The following P2RY12 variants were observed in gnomAD, a reference collection of about 807,000 sequenced individuals.
P2RY12 encodes the protein P2Y purinoceptor 12.
Under a neutral mutation model 4.5 loss-of-function variants are expected in P2RY12, and 3 were observed. The ratio of observed to expected loss-of-function variants is 0.67; its 90% confidence interval spans 0.31 to 1.74. P2RY12 has a LOEUF of 1.74. Ranked by LOEUF, P2RY12 falls within the 40% of genes most tolerant of loss-of-function variation. The pLI is 0.09. For synonymous variants in P2RY12, 148 were observed against 154.1 expected (o/e 0.96, Z 0.29); for missense variants, 356 against 407.8 (o/e 0.87, Z 1.09).
chr3:151,365,294 G>A, intron 1 of P2RY12: 1 of 1,081,932 alleles, frequency 9.2e-7, no homozygotes, highest in Admixed American at 1.8e-5. Flanking sequence ...GTAAGTGTCT[G>A]GACTCACATT....
chr3:151,338,693 A>G lies in P2RY12; in HGVS notation c.153T>C (p.Phe51=), dbSNP rs1228353933. The G allele has an allele frequency of 6.2e-7, 1 of 1,613,586 alleles. No individual in the cohort carries two copies. The highest frequency in any genetic ancestry group is 1.3e-5 in the African/African-American group (1 of 74,836). ...ITNGLAMRIF[F]QIRSKSNFII... is the part of the protein sequence containing the mutation. ...TAAAGTTTGATTTACTCCGGATTTG[A>G]AAGAAAATCCTCATCGCCAGGCCAT... Residue 51 remains phenylalanine, a synonymous_variant, in exon 3 of 3, where the codon TTT becomes TTC. Coordinates refer to ENST00000302632, the MANE Select transcript of P2RY12 (RefSeq NM_022788.5).
intron 1 of P2RY12, among the ~76,000 whole-genome samples, chr3:151,368,629 T>TTTC (rs1755644009): frequency 9.7e-5 from 9 of 92,902 alleles, no homozygotes; most frequent in Admixed American, 8.2e-4. Context: ...TATTTTATTT[T>TTTC]ATTTCATTTC....
intron 1 of P2RY12, among the ~76,000 whole-genome samples, chr3:151,372,413 C>T (rs1256718797): frequency 6.6e-6 from 1 of 152,212 alleles, no homozygotes; most frequent in Non-Finnish European, 1.5e-5. Context: ...CATTTATGCT[C>T]TTGATCCATT....
At chr3:151,378,307 T>G in intron 1 of P2RY12, 7 of 898,378 alleles carry the variant, frequency 7.8e-6, no homozygotes, top group South Asian at 2.7e-5. Context: ...GGGAATATTC[T>G]ATTAGGCAAG....
At position 151,340,644 on chromosome 3, in the gene P2RY12, GT is replaced by G. The variant is rs1303716390; in HGVS notation, c.-64del. Reference sequence around the variant, plus strand: ...GTTTGAATGTATCCAGTAAGTAGTAGTTATTGCAACCTGCAGAGTGGCATCT... The same window carrying G: ...GTTTGAATGTATCCAGTAAGTAGTAGTATTGCAACCTGCAGAGTGGCATCT... On this transcript the variant is annotated 5_prime_UTR_variant, in exon 2 of 3. An upstream open reading frame in the 5' UTR loses its in-frame stop. Transcript: ENST00000302632. 2 of 152,634 alleles carry G rather than the reference GT, an allele frequency of 1.3e-5. No homozygotes were observed. Among genetic ancestry groups the G allele is most frequent in the African/African-American group, 4.8e-5 (2 of 41,456 alleles). 9.5% of individuals were successfully genotyped at this position (152,634 alleles called of 1,614,324 possible).
intron 1 of P2RY12, among the ~76,000 whole-genome samples, chr3:151,342,009 G>T (rs935006292): frequency 1.3e-5 from 2 of 152,050 alleles, no homozygotes; most frequent in Middle Eastern, 3.2e-3. Context: ...CCAAGTCTTT[G>T]CTATTATGAA....
chr3:151,372,656 G>T, intron 1 of P2RY12: 1 of 1,613,848 alleles, frequency 6.2e-7, no homozygotes. Context: ...GAATGCTGAT[G>T]ATATCTGGAC....
chr3:151,338,377 A>G lies in P2RY12; in HGVS notation c.469T>C (p.Leu157=), dbSNP rs1191798844. 6.2e-7 allele frequency: 1 copy of G among 1,614,072 alleles called. No homozygotes were observed. The highest frequency in any genetic ancestry group is 1.7e-5 in the Admixed American group (1 of 60,004). The change falls in exon 3 of 3, where the codon TTG becomes CTG. Residue 157 remains leucine (L), a synonymous_variant. Coordinates refer to ENST00000302632, the MANE Select transcript of P2RY12 (RefSeq NM_022788.5). ...CTGTTGGTCAGAATCATGTTAGGCA[A>G]AGAGAGTAAGAACATGAATGCCCAG... is the stretch of plus-strand genomic sequence containing the variant. ...VIWAFMFLLS[L]PNMILTNRQP...
At chr3:151,364,847 A>T in intron 1 of P2RY12, 1 of 651,046 alleles carries the variant, frequency 1.5e-6, no homozygotes, top group Non-Finnish European at 2.7e-6. Context: ...AGTTCTAATT[A>T]AGAACTCATA....
At chr3:151,378,299 G>T in intron 1 of P2RY12, 1 of 985,160 alleles carries the variant, frequency 1.0e-6, no homozygotes. Context: ...ATGGAACTGG[G>T]AATATTCTAT....
intron 1 of P2RY12, chr3:151,377,123 A>G (rs917986348): frequency 6.2e-7 from 1 of 1,614,108 alleles, no homozygotes; most frequent in Non-Finnish European, 8.5e-7. Context: ...CCCAAACAGT[A>G]TTGGAAGTGC....
At chr3:151,363,766 G>A (rs1371466504) in intron 1 of P2RY12, among the ~76,000 whole-genome samples, 1 of 152,010 alleles carries the variant, frequency 6.6e-6, no homozygotes, top group African/African-American at 2.4e-5. Context: ...TTACACATAC[G>A]GACTCTATAC....
intron 1 of P2RY12, chr3:151,367,542 G>A (rs1755435276): frequency 9.9e-7 from 1 of 1,010,886 alleles, no homozygotes; most frequent in Non-Finnish European, 1.4e-6. Flanking sequence ...TTCATGTTGG[G>A]ATTTGAGATC....
At chr3:151,369,409 A>G (rs1434016142) in intron 1 of P2RY12, 5 of 1,441,248 alleles carry the variant, frequency 3.5e-6, no homozygotes, top group Non-Finnish European at 4.8e-6. Flanking sequence ...TGGTAATGAG[A>G]CTATTAAAGA....
chr3:151,384,160 C>G, intron 1 of P2RY12: 1 of 1,613,950 alleles, frequency 6.2e-7, no homozygotes, highest in Non-Finnish European at 8.5e-7. Flanking sequence ...TCAAATGCAT[C>G]CCCTGGGGGA....
chr3:151,372,918 G>C lies in P2RY12; in HGVS notation c.-180+11774C>G, dbSNP rs1429664000. On this transcript the variant is annotated intron_variant, in intron 1 of 2. Transcript: ENST00000302632. ...TTTTAAGTTTGCTGAAAAGTTGCAA[G>C]AATTATTTTTAAAAAACTCATGTCC... 3 of 604,256 alleles carry C rather than the reference G, an allele frequency of 5.0e-6. No homozygotes were observed. In the African/African-American group the frequency reaches 5.6e-5, roughly 11 times the overall value. The allele number at this position is 604,256 out of a possible 1,614,324, so 37.4% of individuals were successfully genotyped here. A position where few individuals can be genotyped will look rare whatever the true frequency, so the allele number is the denominator to read the frequency against.
intron 1 of P2RY12, chr3:151,364,924 T>C: frequency 8.1e-7 from 1 of 1,237,310 alleles, no homozygotes. Flanking sequence ...TGAAATAGTT[T>C]TCTAGTTATT....
chr3:151,379,699 C>T (rs1245959059), intron 1 of P2RY12, among the ~76,000 whole-genome samples: 1 of 152,142 alleles, frequency 6.6e-6, no homozygotes, highest in African/African-American at 2.4e-5. Flanking sequence ...TATATATAGG[C>T]CTGTTTTCCC....
Position 151,343,624 on chromosome 3 carries a change from C to T in P2RY12, c.-179-2864G>A, listed in dbSNP as rs1226076645. Among the ~76,000 whole-genome samples the T allele has an allele frequency of 5.2e-5, 6 of 115,384 alleles. 1 individual carries two copies. Among genetic ancestry groups the T allele is most frequent in the Non-Finnish European group, 1.1e-4 (5 of 46,894 alleles). 75.7% of individuals were successfully genotyped at this position (115,384 alleles called of 152,430 possible). ...ACTTTAATCTCTCATTAGTAAATAA[C>T]ATCAACACATACAGTTTGTAGTTAT... On this transcript the variant is annotated intron_variant, in intron 1 of 2. Transcript: ENST00000302632.
Sources: allele counts gnomAD v4.1 joint callset (sites outside exome capture counted in the v4.1 genomes callset), GRCh38; gene constraint gnomAD v4.1.1; transcripts MANE v1.5; gene names NCBI Gene and HGNC (gene_info 2026-07-23, HGNC 2026-07-21).